The following PRKG1 variants were observed in gnomAD, a reference collection of about 807,000 sequenced individuals.
PRKG1 encodes the protein cGMP-dependent protein kinase 1.
A neutral mutation model predicts 88.1 loss-of-function variants in PRKG1; 35 were observed. That is an observed-to-expected ratio of 0.40 (90% CI 0.30 to 0.53). PRKG1 has a LOEUF of 0.53. Among genes scored for constraint, PRKG1 ranks in the 20% least tolerant of loss-of-function variants. PRKG1 has a pLI of 0.59. For synonymous variants in PRKG1, 303 were observed against 292.5 expected, an observed-to-expected ratio of 1.04 and a Z score of -0.37; for missense variants, 540 against 839.8, an observed-to-expected ratio of 0.64 and a Z score of 4.41.
chr10:52,117,068 T>C (rs1173668516), intron 7 of PRKG1, among the ~76,000 whole-genome samples: 1 of 152,060 alleles, frequency 6.6e-6, no homozygotes, highest in Non-Finnish European at 1.5e-5. Context: ...GAAAATCTGT[T>C]TCCCAATTGC....
intron 5 of PRKG1, among the ~76,000 whole-genome samples, chr10:51,912,089 G>C (rs930533382): frequency 2.6e-5 from 4 of 152,192 alleles, no homozygotes; most frequent in Admixed American, 2.0e-4. Flanking sequence ...AGAACTCTCT[G>C]AGGAGGTGAT....
At chr10:51,189,309 A>G (rs1045158610) in intron 2 of PRKG1, among the ~76,000 whole-genome samples, 2 of 151,938 alleles carry the variant, frequency 1.3e-5, no homozygotes, top group Non-Finnish European at 2.9e-5. Flanking sequence ...TGACTTCTAT[A>G]AAACAAACAG....
At chr10:51,342,753 C>T (rs996942499) in intron 2 of PRKG1, among the ~76,000 whole-genome samples, 14 of 152,016 alleles carry the variant, frequency 9.2e-5, no homozygotes, top group African/African-American at 4.8e-5. Context: ...CATAATAGCC[C>T]GTATATCCAA....
At chr10:52,028,982 G>T (rs1845410464) in intron 5 of PRKG1, among the ~76,000 whole-genome samples, 1 of 152,160 alleles carries the variant, frequency 6.6e-6, no homozygotes, top group Non-Finnish European at 1.5e-5. Flanking sequence ...CAAGGATGGT[G>T]ATTTGAAACC....
chr10:51,083,711 C>A (rs985098921), intron 1 of PRKG1, among the ~76,000 whole-genome samples: 7 of 152,202 alleles, frequency 4.6e-5, no homozygotes, highest in African/African-American at 1.7e-4. Context: ...ACGACACCTG[C>A]AATAAAAGAT....
At chr10:51,669,600 C>A (rs989996564) in intron 3 of PRKG1, among the ~76,000 whole-genome samples, 3 of 152,134 alleles carry the variant, frequency 2.0e-5, no homozygotes, top group African/African-American at 7.2e-5. Context: ...CAATAAGCAT[C>A]CAATTGATCT....
At chr10:52,151,350 GA>G (rs1304725624) in intron 8 of PRKG1, among the ~76,000 whole-genome samples, 2 of 152,080 alleles carry the variant, frequency 1.3e-5, no homozygotes, top group African/African-American at 4.8e-5. Context: ...AAAATTTGGA[GA>G]AAAAATTCAC....
chr10:52,281,266 T>C (rs575953605), intron 13 of PRKG1, among the ~76,000 whole-genome samples: 4 of 152,252 alleles, frequency 2.6e-5, no homozygotes, highest in African/African-American at 7.2e-5. Flanking sequence ...TTTTATATTA[T>C]GGAAAACCAT....
chr10:51,563,782 C>T (rs867736341), intron 3 of PRKG1, among the ~76,000 whole-genome samples: 1 of 152,098 alleles, frequency 6.6e-6, no homozygotes, highest in African/African-American at 2.4e-5. Flanking sequence ...ATACTAATCT[C>T]GGCCACTATG....
rs1589669353 is a variant in PRKG1 at position 52,170,319 on chromosome 10, T to A, written c.1076+8356T>A. On this transcript the variant is annotated intron_variant, in intron 9 of 17. Coordinates refer to ENST00000373980, the MANE Select transcript of PRKG1 (RefSeq NM_006258.4). ...ATCATGCACCTAAATTGTTCACATATTCTCTGCCTTGTCCCCAAAAAGGAC... is the reference window on the plus strand; with the variant it reads ...ATCATGCACCTAAATTGTTCACATAATCTCTGCCTTGTCCCCAAAAAGGAC... Among the ~76,000 whole-genome samples the A allele has an allele frequency of 2.6e-5, 4 of 152,330 alleles. No homozygotes were observed. In the South Asian group the frequency reaches 8.3e-4, roughly 32 times the overall value.
At position 52,043,537 on chromosome 10, in the gene PRKG1, A is replaced by G. The variant is rs79320594; in HGVS notation, c.763-10947A>G. The stretch of plus-strand genomic sequence containing the variant: ...GTTTCATAAAAACAGAGAGTAGAAT[A>G]TTGGTTACCAGGAGCTGGAGAGGGT... On this transcript the variant is annotated intron_variant, in intron 5 of 17. Transcript: ENST00000373980. 3.1e-3 allele frequency among the ~76,000 whole-genome samples: 469 copies of G among 152,160 alleles called. 2 individuals are homozygous for G. Among genetic ancestry groups the G allele is most frequent in the East Asian group, 0.013 (69 of 5,170 alleles).
At chr10:51,034,664 T>TTTTA (rs1554831102) in intron 1 of PRKG1, among the ~76,000 whole-genome samples, 24 of 9,944 alleles carry the variant, frequency 2.4e-3, no homozygotes, top group African/African-American at 0.011. Flanking sequence ...ATATAATATG[T>TTTTA]TATTTATATA....
chr10:51,714,779 G>A lies in PRKG1; in HGVS notation c.593-89806G>A, dbSNP rs111499765. 6.6e-3 allele frequency among the ~76,000 whole-genome samples: 1,012 copies of A among 152,278 alleles called. 11 individuals carry two copies. The highest frequency in any genetic ancestry group is 0.024 in the African/African-American group (981 of 41,574). On this transcript the variant is annotated intron_variant, in intron 3 of 17. Coordinates refer to ENST00000373980, the MANE Select transcript of PRKG1 (RefSeq NM_006258.4). ...GGTATCATTCATTGTTTGTACTCACGAAATGCAGGAAACAACCTAAATATA... is the reference window on the plus strand; with the variant it reads ...GGTATCATTCATTGTTTGTACTCACAAAATGCAGGAAACAACCTAAATATA...
chr10:51,213,210 G>T (rs571983381), intron 2 of PRKG1, among the ~76,000 whole-genome samples: 1 of 151,968 alleles, frequency 6.6e-6, no homozygotes, highest in South Asian at 2.1e-4. Context: ...GCAAGCTATC[G>T]CAAGGACAAA....
intron 5 of PRKG1, among the ~76,000 whole-genome samples, chr10:51,958,583 A>AT (rs201531189): frequency 0.12 from 11,694 of 99,658 alleles, 1,412 homozygotes; most frequent in African/African-American, 0.32. Context: ...TCTACAGAGT[A>AT]TTTTTTTTTT....
At chr10:51,393,873 T>C (rs914513280) in intron 2 of PRKG1, among the ~76,000 whole-genome samples, 4 of 152,212 alleles carry the variant, frequency 2.6e-5, no homozygotes, top group Non-Finnish European at 5.9e-5. Context: ...CACACTGTAC[T>C]ATTTGGGGGT....
At chr10:51,103,078 A>T (rs972385277) in intron 1 of PRKG1, among the ~76,000 whole-genome samples, 1 of 152,158 alleles carries the variant, frequency 6.6e-6, no homozygotes, top group African/African-American at 2.4e-5. Flanking sequence ...CTCAATTAAG[A>T]TATGGAATTG....
intron 3 of PRKG1, among the ~76,000 whole-genome samples, chr10:51,471,054 T>C (rs1414253499): frequency 2.0e-5 from 3 of 151,952 alleles, no homozygotes; most frequent in Admixed American, 6.6e-5. Flanking sequence ...GCTCCTGTCT[T>C]ATAAAATAAC....
intron 2 of PRKG1, among the ~76,000 whole-genome samples, chr10:51,373,670 T>C (rs932366080): frequency 1.3e-5 from 2 of 152,084 alleles, no homozygotes; most frequent in African/African-American, 4.8e-5. Flanking sequence ...ATAGACTGGA[T>C]TTTTAAAAAT....
Sources: gnomAD v4.1 joint callset for allele counts (sites outside exome capture counted in the v4.1 genomes callset) on GRCh38, gnomAD v4.1.1 for gene constraint, MANE v1.5 for transcripts, NCBI Gene and HGNC (gene_info 2026-07-23, HGNC 2026-07-21) for gene names.